The following FHIT variants were observed in gnomAD, a reference collection of about 807,000 sequenced individuals.
FHIT encodes fragile histidine triad diadenosine triphosphatase.
In FHIT, 19 loss-of-function variants were observed where a neutral mutation model predicts 17.9. The observed-to-expected ratio is 1.06, with a 90% CI of 0.74 to 1.56. The LOEUF is 1.56. Ranked by LOEUF, FHIT falls within the 40% of genes most tolerant of loss-of-function variation. The probability of loss-of-function intolerance (pLI) is 0.00; values close to 1 mark genes in which losing one functional copy is unlikely to be tolerated. For missense variants in FHIT, 248 were observed against 189.2 expected (o/e 1.31, Z -1.82); for synonymous variants, 81 against 69.7 (o/e 1.16, Z -0.81).
At chr3:60,687,328 C>A (rs1017240800) in intron 4 of FHIT, among the ~76,000 whole-genome samples, 1 of 152,140 alleles carries the variant, frequency 6.6e-6, no homozygotes. Flanking sequence ...CTAAATACAG[C>A]TTTAGCCATT....
chr3:60,930,789 T>C (rs1371336446), intron 3 of FHIT, among the ~76,000 whole-genome samples: 6 of 152,162 alleles, frequency 3.9e-5, no homozygotes, highest in South Asian at 2.1e-4. Flanking sequence ...AGTTCAACCA[T>C]TGTGGAAGTC....
rs534535255 is a variant in FHIT at position 60,874,335 on chromosome 3, T to C, written c.-110-52324A>G. ...AGTTCTGAAAAGGCTGTGTGCATCC[T>C]AGGTCTGAAGATTTTCTTGGTCTAA... On this transcript the variant is annotated intron_variant, in intron 3 of 9. Coordinates refer to ENST00000492590, the MANE Select transcript of FHIT (RefSeq NM_002012.4). 7.9e-5 allele frequency among the ~76,000 whole-genome samples: 12 copies of C among 152,296 alleles called. 1 individual carries two copies. In the South Asian group the frequency reaches 2.5e-3, roughly 32 times the overall value.
intron 5 of FHIT, among the ~76,000 whole-genome samples, chr3:60,470,939 A>C (rs568284569): frequency 3.9e-5 from 6 of 152,260 alleles, no homozygotes; most frequent in African/African-American, 1.4e-4. Flanking sequence ...TGCACTCTGC[A>C]AGAACTGAGT....
At chr3:59,930,192 C>G (rs1041022458) in intron 7 of FHIT, among the ~76,000 whole-genome samples, 1 of 152,160 alleles carries the variant, frequency 6.6e-6, no homozygotes, top group African/African-American at 2.4e-5. Context: ...AATACTCCAG[C>G]ACTTCTGCCT....
intron 2 of FHIT, among the ~76,000 whole-genome samples, chr3:61,044,595 A>G (rs1200418562): frequency 6.6e-6 from 1 of 152,082 alleles, no homozygotes; most frequent in East Asian, 1.9e-4. Context: ...CCAATCTAGC[A>G]ATGCAGGCCA....
intron 3 of FHIT, among the ~76,000 whole-genome samples, chr3:60,927,525 G>A (rs375035833): frequency 9.9e-5 from 15 of 151,588 alleles, no homozygotes; most frequent in Non-Finnish European, 1.9e-4. Flanking sequence ...CCTTCACCCC[G>A]TGTAGGAAGT....
chr3:60,857,528 GATAA>G (rs1553750266), intron 3 of FHIT, among the ~76,000 whole-genome samples: 46 of 151,986 alleles, frequency 3.0e-4, no homozygotes, highest in African/African-American at 1.1e-3. Context: ...GATTAAATTA[GATAA>G]TACATGGAAA....
chr3:59,924,769 G>C (rs1705570360), intron 7 of FHIT, among the ~76,000 whole-genome samples: 1 of 152,148 alleles, frequency 6.6e-6, no homozygotes, highest in Non-Finnish European at 1.5e-5. Flanking sequence ...CTGTTGCTTT[G>C]ACTAGCCATT....
chr3:59,875,011 T>G (rs1703089085), intron 8 of FHIT, among the ~76,000 whole-genome samples: 1 of 152,236 alleles, frequency 6.6e-6, no homozygotes, highest in African/African-American at 2.4e-5. Flanking sequence ...CTGATCCATT[T>G]CATCAAAAAC....
chr3:60,335,559 G>A (rs775684385), intron 5 of FHIT, among the ~76,000 whole-genome samples: 7 of 152,082 alleles, frequency 4.6e-5, no homozygotes, highest in South Asian at 4.2e-4. Flanking sequence ...CAGTGTATGC[G>A]GTTCAGGAGG....
At chr3:61,227,816 C>T (rs1163056978) in intron 1 of FHIT, among the ~76,000 whole-genome samples, 1 of 152,028 alleles carries the variant, frequency 6.6e-6, no homozygotes. Context: ...TACTAAAGCC[C>T]GAGTGTGATG....
intron 5 of FHIT, among the ~76,000 whole-genome samples, chr3:60,089,449 A>G (rs1333379151): frequency 1.3e-5 from 2 of 152,152 alleles, no homozygotes; most frequent in Non-Finnish European, 2.9e-5. Context: ...CAAATGTTGG[A>G]TGAATAAATA....
intron 5 of FHIT, among the ~76,000 whole-genome samples, chr3:60,315,901 C>T (rs553786015): frequency 3.3e-5 from 5 of 152,094 alleles, no homozygotes; most frequent in Non-Finnish European, 7.4e-5. Flanking sequence ...CTCATCTGGG[C>T]CACGTTATCA....
intron 4 of FHIT, among the ~76,000 whole-genome samples, chr3:60,674,318 G>A (rs926134071): frequency 1.3e-5 from 2 of 151,958 alleles, no homozygotes; most frequent in South Asian, 4.1e-4. Context: ...CCCATTTTAT[G>A]TCAAGTCCTT....
At chr3:60,462,712 GC>G (rs1682927944) in intron 5 of FHIT, among the ~76,000 whole-genome samples, 2 of 152,102 alleles carry the variant, frequency 1.3e-5, no homozygotes, top group African/African-American at 4.8e-5. Context: ...GGAGGTTATG[GC>G]CCCAGGCGGA....
Position 60,861,103 on chromosome 3 carries a change from TA to T in FHIT, c.-110-39093del, listed in dbSNP as rs1488425780. 3.4e-5 allele frequency among the ~76,000 whole-genome samples: 3 copies of T among 89,336 alleles called. No homozygotes were observed. In the East Asian group the frequency reaches 7.8e-4, roughly 23 times the overall value. 58.6% of individuals were successfully genotyped at this position (89,336 alleles called of 152,430 possible). ...CGTCATATATATCAGATATCATATATACACATATATCCTATATGTGTATATA... is the reference window on the plus strand; with the variant it reads ...CGTCATATATATCAGATATCATATATCACATATATCCTATATGTGTATATA... On this transcript the variant is annotated intron_variant, in intron 3 of 9. Transcript: ENST00000492590.
At chr3:60,256,158 T>G (rs190202328) in intron 5 of FHIT, among the ~76,000 whole-genome samples, 1 of 152,286 alleles carries the variant, frequency 6.6e-6, no homozygotes, top group African/African-American at 2.4e-5. Flanking sequence ...GACTCTCCCT[T>G]AAATTCCCCA....
intron 1 of FHIT, among the ~76,000 whole-genome samples, chr3:61,235,346 C>A (rs985851526): frequency 6.6e-6 from 1 of 152,052 alleles, no homozygotes; most frequent in Admixed American, 6.5e-5. Context: ...CAAGTATCGA[C>A]TCCATAGAGT....
chr3:61,086,518 G>A lies in FHIT; in HGVS notation c.-163-44419C>T, dbSNP rs1379208825. Among the ~76,000 whole-genome samples, 3 of 152,182 alleles carry A rather than the reference G, an allele frequency of 2.0e-5. No homozygotes were observed. In the Middle Eastern group the frequency reaches 0.01, roughly 518 times the overall value. On this transcript the variant is annotated intron_variant, in intron 2 of 9. Transcript: ENST00000492590. ...TCTCTTCCCCATCTCTTTAGCTGCT[G>A]CTTTCTATTGGACTTTTAAGCTTTT...
Sources: allele counts gnomAD v4.1 joint callset (sites outside exome capture counted in the v4.1 genomes callset), GRCh38; gene constraint gnomAD v4.1.1; transcripts MANE v1.5; gene names NCBI Gene and HGNC (gene_info 2026-07-23, HGNC 2026-07-21).